DNAH3: variants seen among roughly 807,000 people sequenced by gnomAD.
DNAH3 encodes the protein axonemal beta dynein heavy chain 3.
DNAH3 carries 332 observed loss-of-function variants against 432.5 expected under a neutral mutation model. The ratio of observed to expected loss-of-function variants is 0.77; its 90% CI spans 0.70 to 0.84. The LOEUF is 0.84. Ranked by LOEUF, DNAH3 falls within the 40% of genes least tolerant of loss-of-function variation. DNAH3 has a pLI of 0.00. For synonymous variants in DNAH3, 1,956 were observed against 1,900.2 expected (o/e 1.03, Z -0.76); for missense variants, 4,861 against 5,114.0 (o/e 0.95, Z 1.51).
At chr16:21,120,700 T>C in intron 11 of DNAH3, 1 of 1,453,294 alleles carries the variant, frequency 6.9e-7, no homozygotes, top group Admixed American at 1.7e-5. Context: ...CATGTCTTCT[T>C]GGCATTGTAA....
chr16:20,964,501 T>C (rs757378050), exon 53 of DNAH3: 1 of 1,614,196 alleles, frequency 6.2e-7, no homozygotes, highest in South Asian at 1.1e-5. Flanking sequence ...TCCAATGTTT[T>C]CAATCAAGAC....
chr16:20,936,455 C>T (rs1487314164), intron 60 of DNAH3, among the ~76,000 whole-genome samples, 194 bp downstream of exon 60: 2 of 152,108 alleles, frequency 1.3e-5, no homozygotes, highest in African/African-American at 2.4e-5. Context: ...TGCGCCCGGC[C>T]GGCTATAATC....
chr16:21,050,936 A>G (rs920447293), intron 29 of DNAH3, among the ~76,000 whole-genome samples: 1 of 152,138 alleles, frequency 6.6e-6, no homozygotes, highest in Non-Finnish European at 1.5e-5. Context: ...TCATTTGAAT[A>G]TGTCTCTCCC....
intron 18 of DNAH3, among the ~76,000 whole-genome samples, chr16:21,093,795 G>C (rs907239080): frequency 3.3e-5 from 5 of 152,082 alleles, no homozygotes; most frequent in Non-Finnish European, 4.4e-5. Flanking sequence ...ACTGATTTTT[G>C]ACAAAGATAC....
At chr16:21,153,959 T>G (rs2092881694) in intron 1 of DNAH3, among the ~76,000 whole-genome samples, 1 of 152,206 alleles carries the variant, frequency 6.6e-6, no homozygotes, top group Non-Finnish European at 1.5e-5. Flanking sequence ...AAAGTATACA[T>G]ACGGTTTCAA....
intron 53 of DNAH3, among the ~76,000 whole-genome samples, chr16:20,961,515 A>T (rs544545312): frequency 6.7e-6 from 1 of 148,764 alleles, no homozygotes; most frequent in East Asian, 1.9e-4. Flanking sequence ...AAATGAATAA[A>T]AAAATAAAAT....
chr16:20,991,443 T>C (rs572669326), intron 44 of DNAH3, among the ~76,000 whole-genome samples: 1 of 152,224 alleles, frequency 6.6e-6, no homozygotes, highest in East Asian at 1.9e-4. Context: ...TTTGTATTTT[T>C]AGTAGAGATG....
At chr16:21,067,769 T>TGGGGGGGGGGGGGGAG (rs2090613226) in intron 23 of DNAH3, among the ~76,000 whole-genome samples, 1 of 21,680 alleles carries the variant, frequency 4.6e-5, no homozygotes. Context: ...GGGGGGGGGG[T>TGGGGGGGGGGGGGGAG]GGGGAGGGAG....
At chr16:21,092,621 T>C (rs2091567062) in intron 18 of DNAH3, among the ~76,000 whole-genome samples, 1 of 122,306 alleles carries the variant, frequency 8.2e-6, no homozygotes, top group African/African-American at 3.2e-5. Flanking sequence ...AATGATAAAC[T>C]AGGAATGAAA....
intron 6 of DNAH3, 120 bp downstream of exon 7, chr16:21,136,204 A>C (rs1215152240): frequency 1.1e-6 from 1 of 943,378 alleles, no homozygotes; most frequent in African/African-American, 1.7e-5. Context: ...GCTTGAGCCC[A>C]GGAGTTCCAG....
chr16:20,975,681 C>A (rs891657475), intron 50 of DNAH3, among the ~76,000 whole-genome samples: 1 of 152,104 alleles, frequency 6.6e-6, no homozygotes, highest in East Asian at 1.9e-4. Flanking sequence ...TTTTAAAAAC[C>A]GTTTCCTCCC....
At chr16:20,974,461 T>C (rs2085481872) in intron 51 of DNAH3, among the ~76,000 whole-genome samples, 1 of 151,624 alleles carries the variant, frequency 6.6e-6, no homozygotes, top group South Asian at 2.1e-4. Context: ...TGGATTGCAG[T>C]GGCACGATCC....
At chr16:21,051,995 T>TTTTAA in intron 28 of DNAH3, 127 bp from the exon 29 acceptor site, 1 of 740,530 alleles carries the variant, frequency 1.4e-6, no homozygotes, top group Non-Finnish European at 2.1e-6. Flanking sequence ...TTTTATTTTA[T>TTTTAA]TTTATTTATT....
intron 35 of DNAH3, among the ~76,000 whole-genome samples, chr16:21,034,413 G>A (rs1567673605): frequency 6.6e-6 from 1 of 152,202 alleles, no homozygotes; most frequent in Non-Finnish European, 1.5e-5. Flanking sequence ...CTGAGCCCAA[G>A]AGAGGTTAAA....
In DNAH3 at chr16:21,056,154, A is replaced by G. The variant is rs78126737; in HGVS notation, c.3925-1620T>C. ...TCCTACCCACACCCATTGCTCAGCT[A>G]TTATAGACCGAAGTGTCTTCCTGCT... On this transcript the variant is annotated intron_variant, in intron 27 of 61. Transcript: ENST00000261383. Among the ~76,000 whole-genome samples, 1,230 of 152,220 alleles carry G rather than the reference A, an allele frequency of 8.1e-3. 13 individuals carry two copies. The highest frequency in any genetic ancestry group is 0.028 in the African/African-American group (1,167 of 41,518).
At chr16:21,094,210 A>C (rs1363629657) in intron 18 of DNAH3, among the ~76,000 whole-genome samples, 2 of 152,198 alleles carry the variant, frequency 1.3e-5, no homozygotes, top group African/African-American at 4.8e-5. Context: ...AAGAAATCAA[A>C]CAACCAATTA....
chr16:21,057,695 T>C (rs1165373586), intron 27 of DNAH3, among the ~76,000 whole-genome samples: 1 of 152,058 alleles, frequency 6.6e-6, no homozygotes. Flanking sequence ...GGTGGGTTCA[T>C]TCGGGAGGGA....
intron 20 of DNAH3, among the ~76,000 whole-genome samples, chr16:21,080,552 T>A (rs1322386580): frequency 1.3e-5 from 2 of 152,242 alleles, no homozygotes; most frequent in Non-Finnish European, 2.9e-5. Context: ...AGGGGCTCAA[T>A]GGCCACATGT....
At chr16:21,040,535 T>G (rs1390609627) in intron 32 of DNAH3, among the ~76,000 whole-genome samples, 1 of 151,610 alleles carries the variant, frequency 6.6e-6, no homozygotes, top group East Asian at 1.9e-4. Context: ...CCAGCTAATT[T>G]TTATATTTCT....
Sources: gnomAD v4.1 joint callset for allele counts (sites outside exome capture counted in the v4.1 genomes callset) on GRCh38, gnomAD v4.1.1 for gene constraint, MANE v1.5 for transcripts, NCBI Gene and HGNC (gene_info 2026-07-23, HGNC 2026-07-21) for gene names.